Variants in PITPNC1 observed in about 807,000 individuals in gnomAD.
The protein encoded by PITPNC1 is cytoplasmic phosphatidylinositol transfer protein 1.
Under a neutral mutation model 44.7 loss-of-function variants are expected in PITPNC1, and 18 were observed. The ratio of observed to expected loss-of-function variants is 0.40; its 90% CI spans 0.28 to 0.60. PITPNC1 has a LOEUF of 0.60. Among genes scored for constraint, PITPNC1 ranks in the 20% least tolerant of loss-of-function variants. PITPNC1 has a pLI of 0.39. For synonymous variants in PITPNC1, 141 were observed against 149.6 expected, an observed-to-expected ratio of 0.94 and a Z score of 0.42; for missense variants, 290 against 418.4, an observed-to-expected ratio of 0.69 and a Z score of 2.68.
In PITPNC1 at chr17:67,692,907, T is replaced by C. The variant is rs1340365950; in HGVS notation, c.*19T>C. 1.4e-6 allele frequency: 2 copies of C among 1,396,570 alleles called. No individual in the cohort carries two copies. Among genetic ancestry groups the C allele is most frequent in the Non-Finnish European group, 1.0e-6 (1 of 1,004,212 alleles). 86.5% of individuals were successfully genotyped at this position (1,396,570 alleles called of 1,614,324 possible). On this transcript the variant is annotated 3_prime_UTR_variant, in exon 9 of 9. Transcript: ENST00000581322. ...TGAGTAACTTTATATAAATATCTCA[T>C]GGGGTTTTATATTTTCATTTGTTGT...
chr17:67,509,559 AAAATAAAT>A (rs569903843), intron 1 of PITPNC1, among the ~76,000 whole-genome samples: 3,302 of 146,296 alleles, frequency 0.023, 57 homozygotes, highest in Non-Finnish European at 0.032. Flanking sequence ...AATTGAATTA[AAAATAAAT>A]AAATAAATAA....
intron 6 of PITPNC1, among the ~76,000 whole-genome samples, chr17:67,650,597 C>A (rs573079182): frequency 6.6e-6 from 1 of 152,024 alleles, no homozygotes; most frequent in African/African-American, 2.4e-5. Flanking sequence ...TACAGGCATG[C>A]GCCACCATGC....
At chr17:67,380,247 G>A (rs2037937885) in intron 1 of PITPNC1, among the ~76,000 whole-genome samples, 1 of 151,902 alleles carries the variant, frequency 6.6e-6, no homozygotes, top group African/African-American at 2.4e-5. Flanking sequence ...GCTAATTTTT[G>A]TATTTTTAGT....
chr17:67,669,018 A>G (rs1190471874), intron 6 of PITPNC1, among the ~76,000 whole-genome samples: 1 of 152,244 alleles, frequency 6.6e-6, no homozygotes, highest in Non-Finnish European at 1.5e-5. Flanking sequence ...CATCACTCCA[A>G]GAGGAAATGT....
Position 67,451,176 on chromosome 17 carries a change from C to T in PITPNC1, c.48+72974C>T, listed in dbSNP as rs187085966. 2.0e-3 allele frequency among the ~76,000 whole-genome samples: 302 copies of T among 151,972 alleles called. 1 individual carries two copies. The highest frequency in any genetic ancestry group is 3.1e-3 in the Non-Finnish European group (213 of 67,934). On this transcript the variant is annotated intron_variant, in intron 1 of 8. Transcript: ENST00000581322. The stretch of plus-strand genomic sequence containing the variant: ...CCTCCTGAGTAGCTGGGACTACACG[C>T]GCGCGCCATCACACCCAGCTAATAT...
intron 1 of PITPNC1, among the ~76,000 whole-genome samples, chr17:67,473,062 G>C (rs1042561473): frequency 1.3e-5 from 2 of 151,924 alleles, no homozygotes; most frequent in Middle Eastern, 3.4e-3. Flanking sequence ...ATTTTTAGTA[G>C]AGAAGGGGTT....
At chr17:67,583,382 G>A (rs1382889537) in intron 5 of PITPNC1, among the ~76,000 whole-genome samples, 1 of 152,068 alleles carries the variant, frequency 6.6e-6, no homozygotes, top group Non-Finnish European at 1.5e-5. Flanking sequence ...GAGCTCAGGA[G>A]TTTGAGACCA....
chr17:67,429,709 A>AC (rs2038827262), intron 1 of PITPNC1, among the ~76,000 whole-genome samples: 1 of 151,986 alleles, frequency 6.6e-6, no homozygotes, highest in South Asian at 2.1e-4. Flanking sequence ...AAAAAAAAAA[A>AC]ACTTACAAAG....
intron 6 of PITPNC1, among the ~76,000 whole-genome samples, chr17:67,659,707 GTCTTC>G (rs2042315923): frequency 6.6e-6 from 1 of 151,984 alleles, no homozygotes; most frequent in Non-Finnish European, 1.5e-5. Flanking sequence ...CAATTTATTG[GTCTTC>G]TCTTTTCTTT....
At chr17:67,405,508 G>A (rs2038382289) in intron 1 of PITPNC1, among the ~76,000 whole-genome samples, 1 of 151,906 alleles carries the variant, frequency 6.6e-6, no homozygotes, top group Non-Finnish European at 1.5e-5. Flanking sequence ...ATTTTTTATT[G>A]GATATTGCAC....
chr17:67,440,239 C>A (rs2143918667), intron 1 of PITPNC1, among the ~76,000 whole-genome samples: 1 of 152,204 alleles, frequency 6.6e-6, no homozygotes, highest in South Asian at 2.1e-4. Flanking sequence ...AACAAAATAT[C>A]AAAATGCTAA....
chr17:67,379,584 A>G (rs529281684), intron 1 of PITPNC1, among the ~76,000 whole-genome samples: 59 of 133,016 alleles, frequency 4.4e-4, no homozygotes, highest in African/African-American at 2.5e-3. Context: ...AGGTGGGTAG[A>G]CAGAGATTCG....
At chr17:67,625,388 G>C (rs572729431) in intron 5 of PITPNC1, among the ~76,000 whole-genome samples, 1 of 152,100 alleles carries the variant, frequency 6.6e-6, no homozygotes, top group East Asian at 1.9e-4. Context: ...GCATCCTAAC[G>C]TGACCTCAGC....
chr17:67,445,935 GT>G (rs564248397), intron 1 of PITPNC1, among the ~76,000 whole-genome samples: 1 of 150,836 alleles, frequency 6.6e-6, no homozygotes, highest in Admixed American at 6.6e-5. Flanking sequence ...ATCTTTGGCT[GT>G]TTTTTTTGTA....
At chr17:67,656,784 G>A (rs2042273825) in intron 6 of PITPNC1, among the ~76,000 whole-genome samples, 1 of 152,062 alleles carries the variant, frequency 6.6e-6, no homozygotes, top group African/African-American at 2.4e-5. Context: ...TTTAAAATAA[G>A]GAAACCTGGA....
intron 1 of PITPNC1, among the ~76,000 whole-genome samples, chr17:67,420,368 C>T (rs934058371): frequency 4.4e-4 from 3 of 6,764 alleles, no homozygotes; most frequent in African/African-American, 4.7e-3. Context: ...TCTCTCCTTC[C>T]TTCCTTCCTC....
In PITPNC1 at chr17:67,596,942, G is replaced by A. The variant is rs144430639; in HGVS notation, c.366+18685G>A. Among the ~76,000 whole-genome samples, 936 of 151,568 alleles carry A rather than the reference G, an allele frequency of 6.2e-3. 6 individuals carry two copies. The highest frequency in any genetic ancestry group is 0.01 in the Middle Eastern group (3 of 294). On this transcript the variant is annotated intron_variant, in intron 5 of 8. Coordinates refer to ENST00000581322, the MANE Select transcript of PITPNC1 (RefSeq NM_012417.4). ...AGAGTCTTCCTCTATCACCCAGGCC[G>A]TAGAGCAGTGGCACAATTTCAGCTC...
intron 1 of PITPNC1, among the ~76,000 whole-genome samples, chr17:67,434,614 C>A (rs1041210253): frequency 6.6e-6 from 1 of 152,004 alleles, no homozygotes; most frequent in Non-Finnish European, 1.5e-5. Flanking sequence ...AGTTCAAGAC[C>A]AGCCTGGCCA....
chr17:67,666,553 A>C (rs187929380), intron 6 of PITPNC1, among the ~76,000 whole-genome samples: 1 of 152,306 alleles, frequency 6.6e-6, no homozygotes, highest in African/African-American at 2.4e-5. Flanking sequence ...AGGGCATATT[A>C]CTTTTATGCT....
Sources: gnomAD v4.1 joint callset for allele counts (sites outside exome capture counted in the v4.1 genomes callset) on GRCh38, gnomAD v4.1.1 for gene constraint, MANE v1.5 for transcripts, NCBI Gene and HGNC (gene_info 2026-07-23, HGNC 2026-07-21) for gene names.